SYNE1: variants seen among roughly 807,000 people sequenced by gnomAD.
SYNE1 encodes nesprin-1.
Under a neutral mutation model 1,111.0 loss-of-function variants are expected in SYNE1, and 616 were observed. The ratio of observed to expected loss-of-function variants is 0.55; its 90% CI spans 0.52 to 0.59. The LOEUF (loss-of-function observed/expected upper bound fraction) is 0.59. Among genes scored for constraint, SYNE1 ranks in the 20% least tolerant of loss-of-function variants. The probability of loss-of-function intolerance (pLI) is 0.00; values close to 1 mark genes in which losing one functional copy is unlikely to be tolerated. For missense variants in SYNE1, 10,006 were observed against 10,417.0 expected, an observed-to-expected ratio of 0.96 and a Z score of 1.72; for synonymous variants, 3,855 against 3,825.8, an observed-to-expected ratio of 1.01 and a Z score of -0.28.
chr6:152,450,886 C>A lies in SYNE1; in HGVS notation c.3187-53G>T, dbSNP rs957937734. 5.0e-6 allele frequency: 8 copies of A among 1,600,900 alleles called. No homozygotes were observed. The Admixed American group carries it at 1.3e-4, about 27-fold the overall frequency. On this transcript the variant is annotated intron_variant, in intron 26 of 145. Transcript: ENST00000367255. The stretch of plus-strand genomic sequence containing the variant: ...CCCTGTGAGAAGCCACACAGTACTT[C>A]TACATTTTCACAGAAAAACCAAAGG...
intron 6 of SYNE1, among the ~76,000 whole-genome samples, chr6:152,518,653 A>G (rs1005452092): frequency 1.3e-5 from 2 of 152,056 alleles, no homozygotes; most frequent in Non-Finnish European, 2.9e-5. Flanking sequence ...GGACTAACAC[A>G]CTAGGGTTGA....
intron 93 of SYNE1, among the ~76,000 whole-genome samples, chr6:152,297,966 A>G (rs1266873526): frequency 6.6e-6 from 1 of 152,230 alleles, no homozygotes; most frequent in Non-Finnish European, 1.5e-5. Context: ...TAAATCACTC[A>G]GTACTATAAA....
In SYNE1 at chr6:152,610,706, G is replaced by A. The variant is rs1363454601; in HGVS notation, c.67+17559C>T. Among the ~76,000 whole-genome samples the A allele has an allele frequency of 2.6e-5, 4 of 152,106 alleles. No individual in the cohort carries two copies. In the South Asian group the frequency reaches 6.2e-4, roughly 24 times the overall value. ...GATACATAATTGTCAGATTCAGCAA[G>A]GTTGAAATGAAGGAAAAATGGTAAG... On this transcript the variant is annotated intron_variant, in intron 3 of 145. Transcript: ENST00000367255.
chr6:152,212,299 C>T (rs2077669021), intron 123 of SYNE1, among the ~76,000 whole-genome samples: 1 of 152,160 alleles, frequency 6.6e-6, no homozygotes, highest in African/African-American at 2.4e-5. Flanking sequence ...AATCCTCCAG[C>T]CTTCAGCAAC....
chr6:152,332,643 T>C (rs1056219819), intron 77 of SYNE1, among the ~76,000 whole-genome samples: 3 of 152,120 alleles, frequency 2.0e-5, no homozygotes, highest in African/African-American at 7.2e-5. Context: ...GTGAAGAGGG[T>C]CCAACAAACA....
chr6:152,398,000 C>CAA (rs569912534), intron 49 of SYNE1, among the ~76,000 whole-genome samples: 5 of 102,182 alleles, frequency 4.9e-5, no homozygotes, highest in Admixed American at 2.1e-4. Flanking sequence ...GACTCCATCT[C>CAA]AAAAAAAAAA....
Position 152,381,040 on chromosome 6 carries a change from T to A in SYNE1, c.8975A>T (p.Asp2992Val). 1 of 1,614,182 alleles carries A rather than the reference T, an allele frequency of 6.2e-7. No homozygotes were observed. The highest frequency in any genetic ancestry group is 8.5e-7 in the Non-Finnish European group (1 of 1,180,024). The change falls in exon 56 of 146, where the codon GAT becomes GTT. Residue 2992 changes from aspartate to valine, a missense_variant. Around this residue, in one of 7 missense-constraint regions of SYNE1, gnomAD observed 4,955 missense variants for 5,017.2 expected, o/e 0.99. Transcript: ENST00000367255. ...QLTLLEGKNTDEEIVECWHKG... is the reference protein window; with the variant it reads ...QLTLLEGKNTVEEIVECWHKG... ...GTGCCAGCATTCCACTATCTCCTCA[T>A]CCGTGTTCTTGCCTTCCAGGAGGGT...
chr6:152,586,826 A>G (rs2099541050), intron 3 of SYNE1, among the ~76,000 whole-genome samples: 1 of 152,188 alleles, frequency 6.6e-6, no homozygotes. Flanking sequence ...AATTATCCCT[A>G]CATTCCTAGA....
chr6:152,298,570 T>G (rs2095007709), intron 93 of SYNE1, among the ~76,000 whole-genome samples: 1 of 152,142 alleles, frequency 6.6e-6, no homozygotes, highest in African/African-American at 2.4e-5. Context: ...ACCTTTTTTT[T>G]TTTTAACAAC....
At chr6:152,390,192 T>G in intron 53 of SYNE1, 88 bp downstream of exon 53, 2 of 1,456,958 alleles carry the variant, frequency 1.4e-6, no homozygotes, top group Non-Finnish European at 1.9e-6. Flanking sequence ...TGCTTGGGAA[T>G]TCCACCCCAG....
At chr6:152,544,166 A>T (rs185674564) in intron 3 of SYNE1, among the ~76,000 whole-genome samples, 85 of 152,350 alleles carry the variant, frequency 5.6e-4, no homozygotes, top group African/African-American at 2.0e-3. Flanking sequence ...ATGAGATGAC[A>T]GCAGCGTCAG....
rs1340757793 is a variant in SYNE1 at position 152,396,897 on chromosome 6, A to G, written c.7434T>C (p.Ser2478=). ...CTTGAATGCTACTGACAATTTGTTT[A>G]GACAAATGTGCATACAAAGTTTGTC... ...QEGQTLYAHL[S]KQIVSSIQEQ... is the part of the protein sequence containing the mutation. Residue 2478 remains serine (S), a synonymous_variant, in exon 50 of 146, where the codon TCT becomes TCC. Transcript: ENST00000367255. 6.2e-7 allele frequency: 1 copy of G among 1,614,090 alleles called. No individual in the cohort carries two copies. The highest frequency in any genetic ancestry group is 8.5e-7 in the Non-Finnish European group (1 of 1,180,046).
intron 58 of SYNE1, among the ~76,000 whole-genome samples, chr6:152,373,547 TGG>T (rs1563481121): frequency 6.6e-6 from 1 of 152,202 alleles, no homozygotes; most frequent in Non-Finnish European, 1.5e-5. Flanking sequence ...CCCAAAGTGC[TGG>T]GATTACAGGC....
In SYNE1 at chr6:152,209,695, A is replaced by G. The variant is rs1162883990; in HGVS notation, c.22590-1489T>C. Among the ~76,000 whole-genome samples the G allele has an allele frequency of 2.6e-5, 4 of 152,094 alleles. No homozygotes were observed. The East Asian group carries it at 5.8e-4, about 22-fold the overall frequency. ...AACCCAGAAGGTGGAGGTTGCAGTG[A>G]GCCGAGATAGCGCCACTTCACTCTA... is the stretch of plus-strand genomic sequence containing the variant. On this transcript the variant is annotated intron_variant, in intron 124 of 145. Transcript: ENST00000367255.
At chr6:152,423,423 A>G (rs933126902) in intron 39 of SYNE1, among the ~76,000 whole-genome samples, 2 of 152,104 alleles carry the variant, frequency 1.3e-5, no homozygotes, top group Non-Finnish European at 2.9e-5. Flanking sequence ...CCTCAGCCCT[A>G]TAATCCCCCC....
At chr6:152,467,271 CAAT>C (rs2098775706) in intron 16 of SYNE1, among the ~76,000 whole-genome samples, 1 of 152,004 alleles carries the variant, frequency 6.6e-6, no homozygotes, top group African/African-American at 2.4e-5. Flanking sequence ...TAAAGTCAGA[CAAT>C]AGTATTCTGA....
chr6:152,483,995 A>G (rs1308822069), intron 13 of SYNE1, among the ~76,000 whole-genome samples: 1 of 141,616 alleles, frequency 7.1e-6, no homozygotes, highest in Non-Finnish European at 1.5e-5. Context: ...TGAGCCCAGG[A>G]GTTTAAAACC....
chr6:152,142,007 T>A (rs1017481114), intron 138 of SYNE1, among the ~76,000 whole-genome samples: 4 of 151,890 alleles, frequency 2.6e-5, no homozygotes. Flanking sequence ...GGAATTCAGC[T>A]GCATGCAGCG....
At chr6:152,242,196 T>C in intron 107 of SYNE1, 44 bp downstream of exon 107, 1 of 1,526,910 alleles carries the variant, frequency 6.5e-7, no homozygotes, top group South Asian at 1.1e-5. Context: ...GAGAGCATGC[T>C]TTCCAATTAC....
Sources: allele counts gnomAD v4.1 joint callset (sites outside exome capture counted in the v4.1 genomes callset), GRCh38; gene constraint gnomAD v4.1.1; regional missense constraint gnomAD v4.1.1; transcripts MANE v1.5; gene names NCBI Gene and HGNC (gene_info 2026-07-23, HGNC 2026-07-21).